The following NUP205 variants were observed in gnomAD, a reference collection of about 807,000 sequenced individuals.
NUP205 encodes the protein nuclear pore complex protein Nup205.
In NUP205, 76 loss-of-function variants were observed where a neutral mutation model predicts 253.8. The observed-to-expected ratio is 0.30, with a 90% confidence interval of 0.25 to 0.36. The LOEUF is 0.36. NUP205 is among the 10% of genes least tolerant of loss of function. The probability of loss-of-function intolerance (pLI) is 1.00; values close to 1 mark genes in which losing one functional copy is unlikely to be tolerated. For synonymous variants in NUP205, 832 were observed against 850.1 expected (o/e 0.98, Z 0.37); for missense variants, 2,162 against 2,425.5 (o/e 0.89, Z 2.28).
Position 135,606,605 on chromosome 7 carries a change from T to C in NUP205, c.2906-146T>C, listed in dbSNP as rs1021631545. ...TTATAAGGTTTTTAGGATTCCACTT[T>C]AAATAAATCTGAAATGAATGTGATA... On this transcript the variant is annotated intron_variant, in intron 20 of 42. Coordinates refer to ENST00000285968, the MANE Select transcript of NUP205 (RefSeq NM_015135.3). 20 of 651,674 alleles carry C rather than the reference T, an allele frequency of 3.1e-5. No individual in the cohort carries two copies. In the South Asian group the frequency reaches 3.8e-4, roughly 12 times the overall value. The allele number at this position is 651,674 out of a possible 1,614,324, so 40.4% of individuals were successfully genotyped here.
At position 135,619,485 on chromosome 7, in the gene NUP205, G is replaced by A. The variant is rs747795196; in HGVS notation, c.4026G>A (p.Leu1342=). 66 of 1,613,932 alleles carry A rather than the reference G, an allele frequency of 4.1e-5. No individual in the cohort carries two copies. Among genetic ancestry groups the A allele is most frequent in the Non-Finnish European group, 5.6e-5 (66 of 1,180,020 alleles). ...TGGTCGCCGGGGCAGTGTTCACACT[G>A]ACTGCTCACCTAAGCCAGGCCGTCC... ...MPVVAGAVFT[L]TAHLSQAVLT... The change falls in exon 29 of 43, where the codon CTG becomes CTA. Residue 1342 remains leucine, a synonymous_variant. Transcript: ENST00000285968.
intron 38 of NUP205, among the ~76,000 whole-genome samples, chr7:135,642,343 T>C (rs1230776214): frequency 6.6e-6 from 1 of 151,876 alleles, no homozygotes; most frequent in African/African-American, 2.4e-5. Flanking sequence ...ACACAGACTA[T>C]CTCTAGGATG....
chr7:135,593,063 A>G lies in NUP205; in HGVS notation c.1701A>G (p.Glu567=). The part of the protein sequence containing the change: ...HFFHSLMLYH[E]HLRKDLPSAD... ...TTCACTCCTTGATGCTTTACCACGA[A>G]CACCTTCGGAAGGATCTTCCAAGTG... is the stretch of plus-strand genomic sequence containing the variant. Residue 567 remains glutamate (E), a synonymous_variant, in exon 12 of 43, where the codon GAA becomes GAG. Transcript: ENST00000285968. The G allele has an allele frequency of 1.2e-6, 2 of 1,614,024 alleles. No homozygotes were observed. The highest frequency in any genetic ancestry group is 1.7e-6 in the Non-Finnish European group (2 of 1,179,978).
At chr7:135,639,563 C>T (rs78641973) in intron 38 of NUP205, among the ~76,000 whole-genome samples, 23,838 of 151,598 alleles carry the variant, frequency 0.16, 2,028 homozygotes, top group Middle Eastern at 0.19. Context: ...CAGTGGCGCG[C>T]GCCTGTAATC....
Position 135,571,226 on chromosome 7 carries a change from C to A in NUP205, c.150C>A (p.Phe50Leu). 2.9e-6 allele frequency: 4 copies of A among 1,400,926 alleles called. No individual in the cohort carries two copies. The highest frequency in any genetic ancestry group is 2.8e-6 in the Non-Finnish European group (3 of 1,072,648). 86.8% of individuals were successfully genotyped at this position (1,400,926 alleles called of 1,614,324 possible). Residue 50 changes from phenylalanine to leucine, a missense_variant, in exon 2 of 43, where the codon TTC (phenylalanine) becomes TTA (leucine). Phe to Leu is a conservative substitution (Grantham distance 22). Around this residue, in one of 5 missense-constraint regions of NUP205, gnomAD observed 109 missense variants for 131.8 expected, o/e 0.83. Transcript: ENST00000285968. Reference sequence around the variant, plus strand: ...TTTTGAAGAAACACAAACCTGACTTCATCTCATTGTTCAAAAATCCGGTAA... The same window carrying A: ...TTTTGAAGAAACACAAACCTGACTTAATCTCATTGTTCAAAAATCCGGTAA... ...DKILKKHKPD[F>L]ISLFKNPPKN...
At chr7:135,579,026 T>C (rs1391940119) in intron 7 of NUP205, 111 bp downstream of exon 7, 2 of 771,252 alleles carry the variant, frequency 2.6e-6, no homozygotes, top group Non-Finnish European at 3.9e-6. Flanking sequence ...TAGGAAGATA[T>C]CCAGAGTTGT....
At chr7:135,610,224 G>A (rs190526299) in intron 22 of NUP205, among the ~76,000 whole-genome samples, 4 of 152,176 alleles carry the variant, frequency 2.6e-5, no homozygotes, top group East Asian at 1.9e-4. Flanking sequence ...CTCTGTTGTC[G>A]TTGTTACTGT....
chr7:135,576,922 A>G, intron 4 of NUP205, 47 bp from the exon 5 acceptor site: 1 of 1,546,680 alleles, frequency 6.5e-7, no homozygotes, highest in Non-Finnish European at 8.8e-7. Context: ...ATGAAGAAGC[A>G]TAAACAATAT....
intron 7 of NUP205, among the ~76,000 whole-genome samples, chr7:135,582,709 C>A (rs1806342014): frequency 6.6e-6 from 1 of 152,148 alleles, no homozygotes; most frequent in Admixed American, 6.6e-5. Flanking sequence ...AAGCAATCCT[C>A]CTGTCTTGGC....
At chr7:135,630,219 C>T (rs1466820545) in intron 34 of NUP205, 125 bp from the exon 35 acceptor site, 2 of 563,376 alleles carry the variant, frequency 3.6e-6, no homozygotes, top group Non-Finnish European at 5.5e-6. Flanking sequence ...TATTGTATTA[C>T]TGAGTATTAT....
intron 6 of NUP205, among the ~76,000 whole-genome samples, chr7:135,578,390 C>A (rs1397626624): frequency 6.6e-6 from 1 of 152,076 alleles, no homozygotes; most frequent in Admixed American, 6.6e-5. Context: ...AATCTTTGAT[C>A]TGTGTTTTCT....
At chr7:135,641,705 G>C (rs771444801) in intron 38 of NUP205, among the ~76,000 whole-genome samples, 3 of 151,850 alleles carry the variant, frequency 2.0e-5, no homozygotes, top group African/African-American at 7.3e-5. Context: ...CCAGGAGGTT[G>C]AGGTGGATCA....
At chr7:135,603,280 T>G (rs1280006977) in intron 18 of NUP205, among the ~76,000 whole-genome samples, 2 of 151,816 alleles carry the variant, frequency 1.3e-5, no homozygotes, top group East Asian at 3.9e-4. Flanking sequence ...CATGCTCAGC[T>G]ATTTTTGTGT....
At chr7:135,600,821 C>T (rs1793950416) in intron 15 of NUP205, 49 bp from the exon 16 acceptor site, 1 of 1,106,074 alleles carries the variant, frequency 9.0e-7, no homozygotes, top group Non-Finnish European at 1.3e-6. Context: ...TGCAAGGCCA[C>T]CACCTTGGTC....
At chr7:135,613,069 G>C (rs1239574991) in intron 22 of NUP205, among the ~76,000 whole-genome samples, 1 of 149,900 alleles carries the variant, frequency 6.7e-6, no homozygotes, top group African/African-American at 2.5e-5. Context: ...CTGGGTGACA[G>C]AGTGAGACCC....
intron 2 of NUP205, among the ~76,000 whole-genome samples, chr7:135,571,940 C>T (rs1806008296): frequency 1.3e-5 from 2 of 152,166 alleles, no homozygotes; most frequent in Non-Finnish European, 2.9e-5. Context: ...GATTATAGCT[C>T]ACTATAGCCT....
At chr7:135,570,743 ATAT>A (rs1366354218) in intron 1 of NUP205, among the ~76,000 whole-genome samples, 1 of 92,872 alleles carries the variant, frequency 1.1e-5, no homozygotes, top group African/African-American at 4.4e-5. Context: ...TTATATTAAT[ATAT>A]TAATTATATT....
intron 1 of NUP205, among the ~76,000 whole-genome samples, chr7:135,570,807 A>G (rs1563110203): frequency 1.0e-5 from 1 of 99,692 alleles, no homozygotes; most frequent in East Asian, 2.1e-4. Flanking sequence ...ATATTAATAT[A>G]TATTAATTAT....
chr7:135,594,044 A>T (rs192264155), intron 12 of NUP205, among the ~76,000 whole-genome samples: 1 of 152,196 alleles, frequency 6.6e-6, no homozygotes, highest in East Asian at 1.9e-4. Context: ...TGATCATTAC[A>T]TATTGTATAC....
Sources: allele counts gnomAD v4.1 joint callset (sites outside exome capture counted in the v4.1 genomes callset), GRCh38; gene constraint gnomAD v4.1.1; regional missense constraint gnomAD v4.1.1; transcripts MANE v1.5; gene names NCBI Gene and HGNC (gene_info 2026-07-23, HGNC 2026-07-21).